Variants in C4orf50 observed in about 807,000 individuals in gnomAD.
C4orf50 encodes chromosome 4 open reading frame 50.
Under a neutral mutation model 77.2 loss-of-function variants are expected in C4orf50, and 80 were observed. That is an observed-to-expected ratio of 1.04 (90% CI 0.87 to 1.25). The LOEUF is 1.25. Among genes scored for constraint, C4orf50 ranks in the 50% most tolerant of loss-of-function variants. C4orf50 has a pLI of 0.00. For synonymous variants in C4orf50, 532 were observed against 465.3 expected (o/e 1.14, Z -1.84); for missense variants, 1,257 against 1,152.9 (o/e 1.09, Z -1.31).
intron 28 of C4orf50, 109 bp downstream of exon 6, chr4:5,988,236 AGG>A: frequency 5.1e-6 from 7 of 1,368,992 alleles, no homozygotes; most frequent in Non-Finnish European, 7.0e-6. Flanking sequence ...GTAAGTGGGG[AGG>A]ATGATTGTAC....
intron 7 of C4orf50, among the ~76,000 whole-genome samples, chr4:5,911,826 T>A (rs776801353): frequency 2.6e-5 from 4 of 152,162 alleles, no homozygotes; most frequent in Non-Finnish European, 2.9e-5. Context: ...GGCGGGCCGA[T>A]CACAAAGTCA....
chr4:5,943,722 G>T (rs536576067), intron 7 of C4orf50, among the ~76,000 whole-genome samples: 38 of 152,302 alleles, frequency 2.5e-4, no homozygotes, highest in African/African-American at 9.1e-4. Flanking sequence ...CACCCAAGAC[G>T]TAGAAGTCAG....
chr4:5,936,549 C>T (rs6852918), intron 7 of C4orf50, among the ~76,000 whole-genome samples: 58,910 of 126,754 alleles, frequency 0.46, 14,344 homozygotes, highest in Middle Eastern at 0.57. Flanking sequence ...GCAACAATGG[C>T]AAGACGCCAT....
chr4:5,971,608 TC>T (rs1719920696), intron 31 of C4orf50, among the ~76,000 whole-genome samples: 1 of 152,186 alleles, frequency 6.6e-6, no homozygotes. Flanking sequence ...AAAATAACTT[TC>T]CCTGCTCTCG....
intron 24 of C4orf50, among the ~76,000 whole-genome samples, chr4:6,010,476 T>C (rs958403768): frequency 4.6e-5 from 7 of 152,250 alleles, no homozygotes; most frequent in African/African-American, 1.4e-4. Flanking sequence ...GAAACACCTG[T>C]GAACATCATG....
chr4:5,925,863 G>T (rs952981468), intron 7 of C4orf50, among the ~76,000 whole-genome samples: 1 of 150,932 alleles, frequency 6.6e-6, no homozygotes, highest in Non-Finnish European at 1.5e-5. Flanking sequence ...AGTTGGGAAG[G>T]GGGTCTTAAG....
chr4:5,972,255 G>A (rs1264276438), intron 31 of C4orf50, among the ~76,000 whole-genome samples: 1 of 152,008 alleles, frequency 6.6e-6, no homozygotes, highest in African/African-American at 2.4e-5. Flanking sequence ...TGTCCGCCCC[G>A]GCCTCCCAAA....
Position 6,015,267 on chromosome 4 carries a change from T to C in C4orf50, c.287+2878A>G, listed in dbSNP as rs1578004457. Among the ~76,000 whole-genome samples, 1 of 152,078 alleles carries C rather than the reference T, an allele frequency of 6.6e-6. No homozygotes were observed. The highest frequency in any genetic ancestry group is 1.9e-4 in the East Asian group (1 of 5,180). On this transcript the variant is annotated intron_variant, in intron 23 of 33. Coordinates refer to ENST00000531445, the Ensembl canonical transcript of C4orf50. This position sits in a 1 kb window ranked among gnomAD's most constrained non-coding sequence, Gnocchi z 4.4. ...TTAAGTTGAAAGAAAGTCATGAGCG[T>C]GGGCCCAGATCCAATCCGACTGGGG...
rs1719165170 is a variant in C4orf50 at position 5,959,632 on chromosome 4, G to A, written c.4276-6C>T. 2 of 1,609,880 alleles carry A rather than the reference G, an allele frequency of 1.2e-6. No homozygotes were observed. Among genetic ancestry groups the A allele is most frequent in the African/African-American group, 1.3e-5 (1 of 74,944 alleles). ...GACACCAAGGACAGAGGGAGCTGCA[G>A]GCAAGAGGACAATGAAATGGTCTCT... On this transcript the variant is annotated splice_polypyrimidine_tract_variant and splice_region_variant and intron_variant, in intron 33 of 33. Transcript: ENST00000531445.
intron 30 of C4orf50, 147 bp downstream of exon 8, chr4:5,975,752 G>A: frequency 1.6e-6 from 1 of 638,554 alleles, no homozygotes; most frequent in Non-Finnish European, 2.8e-6. Flanking sequence ...GCCTCCCAAA[G>A]TGCTGGGATT....
At chr4:5,948,548 G>A (rs1396746044) in intron 7 of C4orf50, among the ~76,000 whole-genome samples, 1 of 152,100 alleles carries the variant, frequency 6.6e-6, no homozygotes, top group African/African-American at 2.4e-5. Context: ...TGTAATCCCA[G>A]CACTTTGGGA....
chr4:5,950,007 G>C (rs67554312), intron 7 of C4orf50, among the ~76,000 whole-genome samples: 32,541 of 135,792 alleles, frequency 0.24, 4,713 homozygotes, highest in Admixed American at 0.37. Flanking sequence ...AAAAAAAAAA[G>C]GTTAAAATGT....
chr4:5,986,780 G>A (rs542022598), intron 28 of C4orf50, among the ~76,000 whole-genome samples: 19 of 151,974 alleles, frequency 1.3e-4, no homozygotes, highest in African/African-American at 3.9e-4. Context: ...CTCATGATCC[G>A]CCCTCCTTGG....
chr4:5,923,856 G>A (rs563793394), intron 7 of C4orf50, among the ~76,000 whole-genome samples: 1 of 152,220 alleles, frequency 6.6e-6, no homozygotes, highest in African/African-American at 2.4e-5. Context: ...TGGGCTGGGA[G>A]AGGCAGACCT....
intron 29 of C4orf50, 54 bp from the exon 8 acceptor site, chr4:5,976,009 A>C: frequency 6.8e-7 from 1 of 1,466,046 alleles, no homozygotes; most frequent in Middle Eastern, 1.7e-4. Context: ...ACCACTGTCC[A>C]GAGCTTCCCC....
intron 26 of C4orf50, among the ~76,000 whole-genome samples, 177 bp downstream of exon 4, chr4:5,994,170 G>C (rs1427785162): frequency 3.9e-5 from 6 of 152,346 alleles, no homozygotes; most frequent in African/African-American, 1.4e-4. Flanking sequence ...CCCACCTGCA[G>C]CAGCTGTGTG....
intron 25 of C4orf50, among the ~76,000 whole-genome samples, chr4:5,998,173 G>A (rs973392322): frequency 5.3e-5 from 8 of 152,162 alleles, no homozygotes; most frequent in African/African-American, 1.7e-4. Flanking sequence ...AACACCACAC[G>A]GCTGCAGGCC....
chr4:5,986,614 C>G (rs1294296323), intron 28 of C4orf50, among the ~76,000 whole-genome samples: 1 of 151,096 alleles, frequency 6.6e-6, no homozygotes, highest in Non-Finnish European at 1.5e-5. Flanking sequence ...TCTCGGCTCA[C>G]TGCAACCTCC....
chr4:5,982,014 G>A (rs961130104), intron 28 of C4orf50, among the ~76,000 whole-genome samples: 6 of 152,050 alleles, frequency 3.9e-5, no homozygotes, highest in African/African-American at 7.2e-5. Flanking sequence ...GGGCTGCTGG[G>A]GCATCTCTCA....
Sources: allele counts gnomAD v4.1 joint callset (sites outside exome capture counted in the v4.1 genomes callset), GRCh38; gene constraint gnomAD v4.1.1; non-coding constraint Gnocchi (gnomAD v3.1); transcripts MANE v1.5; gene names NCBI Gene and HGNC (gene_info 2026-07-23, HGNC 2026-07-21).